Variants in MELTF observed in about 807,000 individuals in gnomAD.
MELTF encodes the protein antigen p97 (melanoma associated) identified by monoclonal antibodies 133.2 and 96.5.
Under a neutral mutation model 83.7 loss-of-function variants are expected in MELTF, and 67 were observed. That is an observed-to-expected ratio of 0.80 (90% confidence interval 0.66 to 0.98). The LOEUF (loss-of-function observed/expected upper bound fraction) is 0.98, where lower values mean the gene tolerates loss of function less well. Among genes scored for constraint, MELTF ranks in the 50% least tolerant of loss-of-function variants. The pLI is 0.00. For missense variants in MELTF, 1,002 were observed against 1,035.6 expected (o/e 0.97, Z 0.44); for synonymous variants, 462 against 447.6 (o/e 1.03, Z -0.41).
At chr3:197,019,086 A>G in intron 6 of MELTF, 1 of 985,572 alleles carries the variant, frequency 1.0e-6, no homozygotes, top group Non-Finnish European at 1.2e-6. Flanking sequence ...AAAACCAAAC[A>G]CCCGCACCAG....
chr3:197,019,286 C>A, intron 6 of MELTF: 2 of 1,047,476 alleles, frequency 1.9e-6, no homozygotes, highest in South Asian at 4.0e-5. Flanking sequence ...CATTTAGGTG[C>A]TTCCATCAGC....
intron 9 of MELTF, among the ~76,000 whole-genome samples, chr3:197,014,831 T>C (rs1719302712): frequency 1.3e-5 from 2 of 152,232 alleles, no homozygotes; most frequent in South Asian, 4.1e-4. Flanking sequence ...GATGATGGTA[T>C]GTTAATTATT....
At chr3:197,019,038 T>A in intron 6 of MELTF, 3 of 985,430 alleles carry the variant, frequency 3.0e-6, no homozygotes, top group Non-Finnish European at 3.6e-6. Flanking sequence ...ATAATTTGTA[T>A]GGTCATGAAA....
intron 9 of MELTF, among the ~76,000 whole-genome samples, chr3:197,015,081 C>T (rs1417001379): frequency 3.9e-5 from 6 of 152,224 alleles, no homozygotes; most frequent in Non-Finnish European, 8.8e-5. Context: ...CTGCTCCTGG[C>T]ACCCCCACTT....
chr3:197,017,852 G>A (rs1719456361), intron 6 of MELTF, among the ~76,000 whole-genome samples: 1 of 152,194 alleles, frequency 6.6e-6, no homozygotes, highest in Admixed American at 6.5e-5. Flanking sequence ...ACTCCAGCCT[G>A]GGCGACAGAG....
chr3:197,011,818 T>G lies in MELTF; in HGVS notation c.1234-1024A>C, dbSNP rs1340791960. 6.6e-6 allele frequency among the ~76,000 whole-genome samples: 1 copy of G among 152,140 alleles called. No individual in the cohort carries two copies. Among genetic ancestry groups the G allele is most frequent in the East Asian group, 1.9e-4 (1 of 5,172 alleles). ...CTCAGAAGCTAGAACTGAGGGTCTT[T>G]GAGCCCTTTGCTGGGGTTCTGAGGA... On this transcript the variant is annotated intron_variant, in intron 9 of 15. Transcript: ENST00000296350. The surrounding 1 kb of genome is among the most constrained non-coding windows in gnomAD (Gnocchi z 4.2).
chr3:197,003,891 C>A lies in MELTF; in HGVS notation c.2137+10G>T, dbSNP rs749868484. ...GCACCAGGGGAGGCGGCAGGGCGGGCCTGTCCTACCTGCGCCCGAGCACTG... is the reference window on the plus strand; with the variant it reads ...GCACCAGGGGAGGCGGCAGGGCGGGACTGTCCTACCTGCGCCCGAGCACTG... On this transcript the variant is annotated intron_variant, in intron 15 of 15. Transcript: ENST00000296350. The surrounding 1 kb of genome is among the most constrained non-coding windows in gnomAD (Gnocchi z 6.2). 1 of 1,612,310 alleles carries A rather than the reference C, an allele frequency of 6.2e-7. No individual in the cohort carries two copies.
chr3:197,010,862 T>C, intron 9 of MELTF, 68 bp from the exon 10 acceptor site: 5 of 1,432,548 alleles, frequency 3.5e-6, no homozygotes, highest in Non-Finnish European at 4.9e-6. Flanking sequence ...CGGGGTCCTG[T>C]GGAGGTGGCA....
Position 197,016,299 on chromosome 3 carries a change from A to G in MELTF, c.971T>C (p.Leu324Pro). ...SSEAYGQKDL[L>P]FKDSTSELVP... Reference sequence around the variant, plus strand: ...AAGCTCCGAGGTAGAGTCTTTGAAGAGTAGATCCTTCTGGCCATAGGCCTC... The same window carrying G: ...AAGCTCCGAGGTAGAGTCTTTGAAGGGTAGATCCTTCTGGCCATAGGCCTC... Residue 324 changes from leucine (L) to proline (P), a missense_variant, in exon 8 of 16, where the codon CTC becomes CCC. Transcript: ENST00000296350. 1 of 1,613,026 alleles carries G rather than the reference A, an allele frequency of 6.2e-7. No homozygotes were observed. The highest frequency in any genetic ancestry group is 8.5e-7 in the Non-Finnish European group (1 of 1,179,406).
At chr3:197,016,128 C>G (rs145017802) in intron 8 of MELTF, 61 bp downstream of exon 8, 1 of 1,407,416 alleles carries the variant, frequency 7.1e-7, no homozygotes, top group East Asian at 2.6e-5. Context: ...CCCAGAGAGC[C>G]TCGCCATGCC....
At chr3:197,021,100 C>G (rs1262103796) in intron 6 of MELTF, among the ~76,000 whole-genome samples, 1 of 152,220 alleles carries the variant, frequency 6.6e-6, no homozygotes, top group African/African-American at 2.4e-5. Context: ...AAATCAGACC[C>G]TCATCTTCAG....
At chr3:197,014,001 C>T (rs779201170) in intron 9 of MELTF, among the ~76,000 whole-genome samples, 3 of 152,194 alleles carry the variant, frequency 2.0e-5, no homozygotes, top group Non-Finnish European at 4.4e-5. Flanking sequence ...GTAATCCCAC[C>T]ACTGGGAATC....
rs140273550 is a variant in MELTF at position 197,018,343 on chromosome 3, G to T, written c.713-1053C>A. 5.9e-3 allele frequency among the ~76,000 whole-genome samples: 903 copies of T among 152,006 alleles called. 8 individuals carry two copies. Among genetic ancestry groups the T allele is most frequent in the African/African-American group, 0.02 (813 of 41,434 alleles). On this transcript the variant is annotated intron_variant, in intron 6 of 15. Transcript: ENST00000296350. ...TTTGTATTTTTTTTTATTAGAGATG[G>T]GGTTTTACTGTGTTAGCCAGGATGG...
intron 8 of MELTF, among the ~76,000 whole-genome samples, 188 bp downstream of exon 8, chr3:197,016,001 T>A (rs1356855384): frequency 2.0e-5 from 3 of 151,980 alleles, no homozygotes; most frequent in Non-Finnish European, 4.4e-5. Flanking sequence ...GCTTCCGAGG[T>A]ACAACAGGCC....
In MELTF at chr3:197,006,922, T is replaced by C. The variant is rs1719003006; in HGVS notation, c.1751-186A>G. On this transcript the variant is annotated intron_variant, in intron 13 of 15. Coordinates refer to ENST00000296350, the MANE Select transcript of MELTF (RefSeq NM_005929.6). This position sits in a 1 kb window ranked among gnomAD's most constrained non-coding sequence, Gnocchi z 5.4. ...CCGGGGTGAAAGAACCCAGCTGTGT[T>C]CATGCCATTAGCAGGAGCTGCCATT... Among the ~76,000 whole-genome samples the C allele has an allele frequency of 2.0e-5, 3 of 152,194 alleles. No individual in the cohort carries two copies. Among genetic ancestry groups the C allele is most frequent in the African/African-American group, 7.2e-5 (3 of 41,440 alleles).
rs1719178409 is a variant in MELTF, at chr3:197,011,268, C to T, written c.1234-474G>A. On this transcript the variant is annotated intron_variant, in intron 9 of 15. Transcript: ENST00000296350. This position sits in a 1 kb window ranked among gnomAD's most constrained non-coding sequence, Gnocchi z 4.2. ...ATCTGAAACGATGGCAGTCTCAGGGCCTGGGGAGGAGGCTTCAGGGCTGAG... is the reference window on the plus strand; with the variant it reads ...ATCTGAAACGATGGCAGTCTCAGGGTCTGGGGAGGAGGCTTCAGGGCTGAG... Among the ~76,000 whole-genome samples, 1 of 152,206 alleles carries T rather than the reference C, an allele frequency of 6.6e-6. No individual in the cohort carries two copies. Among genetic ancestry groups the T allele is most frequent in the South Asian group, 2.1e-4 (1 of 4,832 alleles).
Position 197,024,205 on chromosome 3 carries a change from G to A in MELTF, c.487+98C>T. 1.5e-6 allele frequency: 2 copies of A among 1,318,460 alleles called. No homozygotes were observed. The highest frequency in any genetic ancestry group is 2.1e-6 in the Non-Finnish European group (2 of 961,702). The allele number at this position is 1,318,460 out of a possible 1,614,324, so 81.7% of individuals were successfully genotyped here. The stretch of plus-strand genomic sequence containing the variant: ...CGCCTTCCAGGAATGAAGAATGGTG[G>A]CGAGGCCGGAGGGAGGCTACCCAGT... On this transcript the variant is annotated intron_variant, in intron 4 of 15. Coordinates refer to ENST00000296350, the MANE Select transcript of MELTF (RefSeq NM_005929.6). The surrounding 1 kb of genome is among the most constrained non-coding windows in gnomAD (Gnocchi z 5.3).
intron 6 of MELTF, among the ~76,000 whole-genome samples, chr3:197,017,747 G>A (rs1034951835): frequency 3.3e-5 from 5 of 152,036 alleles, no homozygotes; most frequent in South Asian, 2.1e-4. Context: ...CGTGGTGGCG[G>A]GCGCCTGTAA....
intron 10 of MELTF, 43 bp from the exon 11 acceptor site, chr3:197,009,855 G>T: frequency 1.9e-6 from 3 of 1,565,770 alleles, no homozygotes; most frequent in Non-Finnish European, 1.8e-6. Context: ...TCATCTGAGA[G>T]CCCGGGCAAG....
Sources: gnomAD v4.1 joint callset for allele counts (sites outside exome capture counted in the v4.1 genomes callset) on GRCh38, gnomAD v4.1.1 for gene constraint, Gnocchi (gnomAD v3.1) non-coding constraint, MANE v1.5 for transcripts, NCBI Gene and HGNC (gene_info 2026-07-23, HGNC 2026-07-21) for gene names.